Variants in CELF2 observed in about 807,000 individuals in gnomAD.
CELF2 encodes CUG triplet repeat RNA-binding protein 2.
In CELF2, 8 loss-of-function variants were observed where a neutral mutation model predicts 62.6. That is an observed-to-expected ratio of 0.13 (90% CI 0.07 to 0.23). CELF2 has a LOEUF of 0.23. Among genes scored for constraint, CELF2 ranks in the 10% least tolerant of loss-of-function variants. The pLI is 1.00. For missense variants in CELF2, 333 were observed against 671.0 expected, an observed-to-expected ratio of 0.50 and a Z score of 5.56; for synonymous variants, 258 against 250.0, an observed-to-expected ratio of 1.03 and a Z score of -0.30.
At chr10:10,500,479 T>C in the CELF2 span, among the ~76,000 whole-genome samples, 1 of 152,146 alleles carries the variant, frequency 6.6e-6, no homozygotes, top group Non-Finnish European at 1.5e-5. Context: ...TGAATAAGTC[T>C]CACAAGATCT....
intron 1 of CELF2, among the ~76,000 whole-genome samples, chr10:10,884,568 C>T (rs1296781794): frequency 6.6e-6 from 1 of 152,182 alleles, no homozygotes; most frequent in South Asian, 2.1e-4. Flanking sequence ...CAGAACTTAT[C>T]CTACCCTTTA....
At chr10:11,197,347 C>T (rs986067644) in intron 2 of CELF2, among the ~76,000 whole-genome samples, 1 of 152,138 alleles carries the variant, frequency 6.6e-6, no homozygotes, top group African/African-American at 2.4e-5. Context: ...CCTGTCCATT[C>T]ATATGGGTAA....
intron 1 of CELF2, among the ~76,000 whole-genome samples, chr10:11,092,910 A>C (rs141946511): frequency 6.6e-6 from 1 of 152,340 alleles, no homozygotes; most frequent in East Asian, 1.9e-4. Flanking sequence ...CAGATATCTT[A>C]CTTTATCACC....
intron 2 of CELF2, among the ~76,000 whole-genome samples, chr10:11,188,867 G>T (rs2075645180): frequency 1.3e-5 from 2 of 152,038 alleles, no homozygotes; most frequent in Admixed American, 1.3e-4. Context: ...TTGAAACACA[G>T]TTCACTCATC....
intron 1 of CELF2, among the ~76,000 whole-genome samples, chr10:10,822,779 A>C (rs565326715): frequency 6.6e-6 from 1 of 152,318 alleles, no homozygotes; most frequent in East Asian, 1.9e-4. Flanking sequence ...CAAGTTTCAA[A>C]ACCTAGTCAT....
chr10:10,613,082 G>A, the CELF2 span, among the ~76,000 whole-genome samples: 2 of 152,126 alleles, frequency 1.3e-5, no homozygotes, highest in African/African-American at 2.4e-5. Context: ...TGTAAGCATT[G>A]GAAATCAAAC....
chr10:10,991,078 C>T (rs1331882515), intron 2 of CELF2, among the ~76,000 whole-genome samples: 3 of 151,860 alleles, frequency 2.0e-5, no homozygotes, highest in Non-Finnish European at 2.9e-5. Flanking sequence ...CAGAGAAAGC[C>T]GAGTTTGGCG....
At chr10:10,792,933 C>G in the CELF2 span, among the ~76,000 whole-genome samples, 1 of 152,158 alleles carries the variant, frequency 6.6e-6, no homozygotes, top group African/African-American at 2.4e-5. Flanking sequence ...TCCAACATTC[C>G]CCTTCCCCTG....
the CELF2 span, among the ~76,000 whole-genome samples, chr10:10,736,403 T>C: frequency 6.7e-6 from 1 of 149,718 alleles, no homozygotes; most frequent in Non-Finnish European, 1.5e-5. Context: ...TTTCTTTTTT[T>C]TTTTTTTGGA....
chr10:10,481,808 T>C, the CELF2 span, among the ~76,000 whole-genome samples: 1 of 152,196 alleles, frequency 6.6e-6, no homozygotes. Flanking sequence ...ATCATGCAAA[T>C]GTTATGCTTC....
intron 2 of CELF2, among the ~76,000 whole-genome samples, chr10:10,974,104 T>G (rs548383555): frequency 6.6e-6 from 1 of 152,332 alleles, no homozygotes; most frequent in Admixed American, 6.5e-5. Flanking sequence ...ACATGGCATT[T>G]AGAATCCTTT....
At chr10:11,288,806 C>T (rs898263719) in intron 9 of CELF2, among the ~76,000 whole-genome samples, 2 of 152,242 alleles carry the variant, frequency 1.3e-5, no homozygotes, top group Non-Finnish European at 2.9e-5. Context: ...CTCACACATT[C>T]ACTCTGTTTT....
At chr10:11,256,658 A>G (rs1213055239) in intron 4 of CELF2, among the ~76,000 whole-genome samples, 2 of 100,642 alleles carry the variant, frequency 2.0e-5, no homozygotes, top group African/African-American at 4.6e-5. Context: ...GGTGTCTGTG[A>G]TGTCCTTAAA....
chr10:10,790,140 G>T, the CELF2 span, among the ~76,000 whole-genome samples: 6 of 151,964 alleles, frequency 3.9e-5, no homozygotes, highest in East Asian at 9.6e-4. Context: ...CAGCGTTCTT[G>T]TAATATTTCA....
chr10:10,492,842 C>A, the CELF2 span, among the ~76,000 whole-genome samples: 2 of 152,112 alleles, frequency 1.3e-5, no homozygotes, highest in African/African-American at 4.8e-5. Flanking sequence ...CAGTTTCCCC[C>A]ATACTGTTCT....
the CELF2 span, among the ~76,000 whole-genome samples, chr10:10,745,484 T>A: frequency 6.6e-6 from 1 of 152,200 alleles, no homozygotes; most frequent in East Asian, 1.9e-4. Context: ...CTCTTTGAAG[T>A]CGAGAGCTTG....
rs1016641385 is a variant in CELF2 at position 11,296,775 on chromosome 10, A to C, written c.976+8223A>C. 5.9e-5 allele frequency among the ~76,000 whole-genome samples: 9 copies of C among 152,336 alleles called. 1 individual carries two copies. In the South Asian group the frequency reaches 1.0e-3, roughly 18 times the overall value. On this transcript the variant is annotated intron_variant, in intron 9 of 12. Transcript: ENST00000633077. The surrounding 1 kb of genome is among the most constrained non-coding windows in gnomAD (Gnocchi z 5.0). ...AGGAGAGATTCTGCCCCAAGGAAGT[A>C]AGGGAAATTTTAGTAGAAGAGTTGA...
chr10:10,641,596 A>G, the CELF2 span, among the ~76,000 whole-genome samples: 1 of 152,058 alleles, frequency 6.6e-6, no homozygotes, highest in Non-Finnish European at 1.5e-5. Context: ...GACCGCCACC[A>G]CATCCAGCTA....
rs142587068 is a variant in CELF2 at position 11,040,646 on chromosome 10, G to A, written c.74+22483G>A. 3.8e-3 allele frequency among the ~76,000 whole-genome samples: 575 copies of A among 152,058 alleles called. 3 individuals are homozygous for A. The highest frequency in any genetic ancestry group is 0.013 in the African/African-American group (544 of 41,470). On this transcript the variant is annotated intron_variant, in intron 1 of 12. Transcript: ENST00000633077. ...CTTTTAAATGCCTGCTTATGTGCCC[G>A]TTACCATCCTAGGTGCTGGGAAAAC...
Sources: gnomAD v4.1 joint callset for allele counts (sites outside exome capture counted in the v4.1 genomes callset) on GRCh38, gnomAD v4.1.1 for gene constraint, Gnocchi (gnomAD v3.1) non-coding constraint, MANE v1.5 for transcripts, NCBI Gene and HGNC (gene_info 2026-07-23, HGNC 2026-07-21) for gene names.